Variants in AK9 observed in about 807,000 individuals in gnomAD.
AK9 encodes the protein adenylate kinase domain containing 1.
In AK9, 191 loss-of-function variants were observed where a neutral mutation model predicts 239.6. The observed-to-expected ratio is 0.80, with a 90% CI of 0.71 to 0.90. AK9 has a LOEUF of 0.90. Among genes scored for constraint, AK9 ranks in the 40% least tolerant of loss-of-function variants. AK9 has a pLI of 0.00. For synonymous variants in AK9, 689 were observed against 721.0 expected (o/e 0.96, Z 0.71); for missense variants, 1,995 against 2,214.7 (o/e 0.90, Z 1.99).
At position 109,632,947 on chromosome 6, in the gene AK9, C is replaced by T. The variant is rs148265781; in HGVS notation, c.1230G>A (p.Met410Ile). Residue 410 changes from methionine (M) to isoleucine (I), a missense_variant, in exon 12 of 41, where the codon ATG (methionine) becomes ATA (isoleucine). Coordinates refer to ENST00000424296, the MANE Select transcript of AK9 (RefSeq NM_001145128.3). ...CCTTTCCTTTGTAATTTTCTGCAAG[C>T]ATATTGCAAAGTGTTGTTTTCCCTG... ...QYSGKTTLCNMLAENYKGKVV... is the reference protein window; with the variant it reads ...QYSGKTTLCNILAENYKGKVV... The T allele has an allele frequency of 1.1e-5, 18 of 1,613,262 alleles. No homozygotes were observed. The African/African-American group carries it at 1.9e-4, about 17-fold the overall frequency.
rs529450033 is a variant in AK9 at position 109,524,444 on chromosome 6, C to T, written c.3633+4567G>A. ...AAGTTTCTCCAAATTTAGTGAAAGA[C>T]ACAAATTTACAGATTAAAGAAGCTT... On this transcript the variant is annotated intron_variant, in intron 29 of 40. Transcript: ENST00000424296. 1.5e-4 allele frequency among the ~76,000 whole-genome samples: 23 copies of T among 152,124 alleles called. 1 individual carries two copies. Among genetic ancestry groups the T allele is most frequent in the Middle Eastern group, 6.8e-3 (2 of 294 alleles).
Position 109,684,072 on chromosome 6 carries a change from C to T in AK9, c.-12+7075G>A, listed in dbSNP as rs185774261. On this transcript the variant is annotated intron_variant, in intron 1 of 40. Coordinates refer to ENST00000424296, the MANE Select transcript of AK9 (RefSeq NM_001145128.3). ...AGATACATAGACCAATGGAACAGAA[C>T]AGAGGCCTCAGAAATAACACCACAC... Among the ~76,000 whole-genome samples, 96 of 152,322 alleles carry T rather than the reference C, an allele frequency of 6.3e-4. 1 individual carries two copies. Among genetic ancestry groups the T allele is most frequent in the Middle Eastern group, 3.4e-3 (1 of 294 alleles).
At chr6:109,670,652 C>T (rs11963127) in intron 5 of AK9, among the ~76,000 whole-genome samples, 6,658 of 151,914 alleles carry the variant, frequency 0.044, 473 homozygotes, top group African/African-American at 0.15. Context: ...TTTTTTGTAG[C>T]CATGTAAACC....
intron 31 of AK9, 124 bp from the exon 32 acceptor site, chr6:109,514,561 T>G (rs960136200): frequency 2.5e-6 from 2 of 811,738 alleles, no homozygotes; most frequent in East Asian, 5.4e-5. Context: ...ATAAGAAAAC[T>G]AATTATAATC....
At chr6:109,602,443 G>A (rs995613103) in intron 17 of AK9, among the ~76,000 whole-genome samples, 5 of 152,138 alleles carry the variant, frequency 3.3e-5, no homozygotes, top group African/African-American at 9.7e-5. Context: ...CGAGAGATCC[G>A]CTGTTAGTCT....
At chr6:109,592,272 C>T (rs1021767771) in intron 17 of AK9, among the ~76,000 whole-genome samples, 7 of 151,840 alleles carry the variant, frequency 4.6e-5, no homozygotes, top group African/African-American at 9.7e-5. Flanking sequence ...ATAATAAAAG[C>T]GAGGTATTTC....
chr6:109,522,494 A>T (rs1779975382), intron 29 of AK9, among the ~76,000 whole-genome samples: 1 of 151,780 alleles, frequency 6.6e-6, no homozygotes, highest in Non-Finnish European at 1.5e-5. Flanking sequence ...TATATTTGAG[A>T]AACTTCTTGG....
intron 20 of AK9, 76 bp downstream of exon 20, chr6:109,579,474 A>G: frequency 7.2e-7 from 1 of 1,381,914 alleles, no homozygotes; most frequent in Non-Finnish European, 1.0e-6. Flanking sequence ...CCCAGTCTAT[A>G]ATTCACTTGA....
chr6:109,614,557 G>A (rs939501301), intron 13 of AK9, 77 bp from the exon 14 acceptor site: 5 of 1,183,094 alleles, frequency 4.2e-6, no homozygotes, highest in African/African-American at 1.5e-5. Flanking sequence ...AAAAGCCCCT[G>A]CTTCAAAGTT....
chr6:109,566,601 A>T (rs1562419567), intron 21 of AK9, among the ~76,000 whole-genome samples: 1 of 152,222 alleles, frequency 6.6e-6, no homozygotes, highest in East Asian at 1.9e-4. Context: ...AAGGAAATCT[A>T]AAATGCAATA....
rs372144134 is a variant in AK9 at position 109,605,217 on chromosome 6, C to T, written c.1842+5148G>A. 3.9e-5 allele frequency among the ~76,000 whole-genome samples: 6 copies of T among 152,256 alleles called. No individual in the cohort carries two copies. In the East Asian group the frequency reaches 1.2e-3, roughly 29 times the overall value. ...TTGAGAGGCTGAGGTGGGAGGATCACTTGAGCCCAGGAGTTTGAGAACAGT... is the reference window on the plus strand; with the variant it reads ...TTGAGAGGCTGAGGTGGGAGGATCATTTGAGCCCAGGAGTTTGAGAACAGT... On this transcript the variant is annotated intron_variant, in intron 17 of 40. Transcript: ENST00000424296.
At chr6:109,498,955 T>G in intron 36 of AK9, 89 bp downstream of exon 36, 1 of 1,185,316 alleles carries the variant, frequency 8.4e-7, no homozygotes. Flanking sequence ...AGTCCCAAGT[T>G]TCTGGGTGCC....
intron 1 of AK9, chr6:109,690,698 A>G (rs1295454594): frequency 1.3e-5 from 2 of 152,216 alleles, no homozygotes; most frequent in Non-Finnish European, 2.9e-5. Context: ...TTTCACAACT[A>G]TGGAAGAGAG....
At chr6:109,579,436 C>G in intron 20 of AK9, 114 bp downstream of exon 20, 4 of 1,008,534 alleles carry the variant, frequency 4.0e-6, no homozygotes, top group Admixed American at 5.0e-5. Flanking sequence ...AACCTGGGCT[C>G]TCATGGACAA....
chr6:109,600,391 C>T (rs188204591), intron 17 of AK9, among the ~76,000 whole-genome samples: 8 of 151,962 alleles, frequency 5.3e-5, no homozygotes, highest in Admixed American at 2.0e-4. Flanking sequence ...TATTGATTTG[C>T]GTATATTGAA....
intron 19 of AK9, among the ~76,000 whole-genome samples, chr6:109,584,459 G>A (rs947642502): frequency 2.6e-5 from 4 of 152,172 alleles, no homozygotes; most frequent in Non-Finnish European, 4.4e-5. Context: ...AAATTAAAAC[G>A]TAAAGTATTT....
intron 21 of AK9, among the ~76,000 whole-genome samples, chr6:109,565,476 TA>T (rs60673141): frequency 4.2e-5 from 6 of 141,964 alleles, no homozygotes; most frequent in East Asian, 2.0e-4. Context: ...ACCATCTCTT[TA>T]AAAAAAAATT....
chr6:109,650,434 A>ATTTCATAT, intron 8 of AK9, among the ~76,000 whole-genome samples: 1 of 152,144 alleles, frequency 6.6e-6, no homozygotes, highest in Non-Finnish European at 1.5e-5. Context: ...ATGAACAGAC[A>ATTTCATAT]CTTCTCAAAA....
intron 12 of AK9, among the ~76,000 whole-genome samples, chr6:109,630,881 C>T (rs1160489031): frequency 2.6e-5 from 4 of 151,648 alleles, no homozygotes; most frequent in South Asian, 2.1e-4. Context: ...GACCACTGAG[C>T]CCCAAAAGAG....
Sources: allele counts gnomAD v4.1 joint callset (sites outside exome capture counted in the v4.1 genomes callset), GRCh38; gene constraint gnomAD v4.1.1; transcripts MANE v1.5; gene names NCBI Gene and HGNC (gene_info 2026-07-23, HGNC 2026-07-21).